Variants in ANKS1A observed in about 807,000 individuals in gnomAD.
ANKS1A encodes ankyrin repeat and sterile alpha motif domain containing 1A.
A neutral mutation model predicts 120.3 loss-of-function variants in ANKS1A; 55 were observed. The ratio of observed to expected loss-of-function variants is 0.46; its 90% CI spans 0.37 to 0.57. The LOEUF (loss-of-function observed/expected upper bound fraction) is 0.57, where lower values mean the gene tolerates loss of function less well. Among genes scored for constraint, ANKS1A ranks in the 20% least tolerant of loss-of-function variants. The pLI is 0.00. For missense variants in ANKS1A, 1,123 were observed against 1,480.3 expected, an observed-to-expected ratio of 0.76 and a Z score of 3.96; for synonymous variants, 590 against 604.7, an observed-to-expected ratio of 0.98 and a Z score of 0.36.
intron 17 of ANKS1A, among the ~76,000 whole-genome samples, chr6:35,081,453 C>T (rs909163913): frequency 6.6e-6 from 1 of 152,204 alleles, no homozygotes; most frequent in African/African-American, 2.4e-5. Flanking sequence ...CGCTCTTTCT[C>T]TGTGGCCTCT....
chr6:35,009,176 C>G (rs964478689), intron 10 of ANKS1A, among the ~76,000 whole-genome samples: 1 of 152,002 alleles, frequency 6.6e-6, no homozygotes, highest in African/African-American at 2.4e-5. Context: ...AGACTGGAGG[C>G]GGGAATGCCC....
intron 16 of ANKS1A, among the ~76,000 whole-genome samples, chr6:35,080,788 G>A (rs1487615390): frequency 1.3e-5 from 2 of 152,134 alleles, no homozygotes; most frequent in African/African-American, 4.8e-5. Context: ...TGCAAAAGTG[G>A]CTTCCCCGCC....
rs34450807 is a variant in ANKS1A, at chr6:34,895,195, G to GTT, written c.197+5610_197+5611dup. Among the ~76,000 whole-genome samples, 579 of 137,956 alleles carry GTT rather than the reference G, an allele frequency of 4.2e-3. 1 individual carries two copies. Among genetic ancestry groups the GTT allele is most frequent in the Non-Finnish European group, 4.1e-3 (270 of 65,176 alleles). 90.5% of individuals were successfully genotyped at this position (137,956 alleles called of 152,430 possible). ...TCCTAATATTTATTTAAGGACTTTGGTTTTTTTTTTTTTTTAATTAAAAAA... is the reference window on the plus strand; with the variant it reads ...TCCTAATATTTATTTAAGGACTTTGGTTTTTTTTTTTTTTTTTAATTAAAAAA... On this transcript the variant is annotated intron_variant, in intron 1 of 23. Transcript: ENST00000360359.
Position 35,060,340 on chromosome 6 carries a change from T to C in ANKS1A, c.2184+87T>C. On this transcript the variant is annotated intron_variant, in intron 13 of 23. Coordinates refer to ENST00000360359, the MANE Select transcript of ANKS1A (RefSeq NM_015245.3). This position sits in a 1 kb window ranked among gnomAD's most constrained non-coding sequence, Gnocchi z 4.5. ...CCTCCCCTCTGGCCCCACAGGAGTC[T>C]GCAACAGTACGTAGACCCAAATCCC... 8.3e-7 allele frequency: 1 copy of C among 1,202,828 alleles called. No individual in the cohort carries two copies. Among genetic ancestry groups the C allele is most frequent in the Non-Finnish European group, 1.2e-6 (1 of 835,794 alleles). 74.5% of individuals were successfully genotyped at this position (1,202,828 alleles called of 1,614,324 possible).
intron 13 of ANKS1A, among the ~76,000 whole-genome samples, chr6:35,072,840 G>A (rs1018149775): frequency 2.0e-5 from 3 of 152,176 alleles, no homozygotes; most frequent in Admixed American, 6.5e-5. Context: ...AGCCCAGGAC[G>A]GGTGTCCTGC....
chr6:35,060,874 C>G lies in ANKS1A; in HGVS notation c.2184+621C>G, dbSNP rs1776460984. 6.6e-6 allele frequency among the ~76,000 whole-genome samples: 1 copy of G among 152,208 alleles called. No homozygotes were observed. Among genetic ancestry groups the G allele is most frequent in the South Asian group, 2.1e-4 (1 of 4,832 alleles). ...GCAGAATAGGGACCCATTTAGGACC[C>G]TGGGCTCAGGATCTGGTGCACACTC... On this transcript the variant is annotated intron_variant, in intron 13 of 23. Transcript: ENST00000360359. The surrounding 1 kb of genome is among the most constrained non-coding windows in gnomAD (Gnocchi z 4.5).
Position 35,057,904 on chromosome 6 carries a change from G to T in ANKS1A, c.2078-2243G>T, listed in dbSNP as rs776695258. On this transcript the variant is annotated intron_variant, in intron 12 of 23. Transcript: ENST00000360359. The surrounding 1 kb of genome is among the most constrained non-coding windows in gnomAD (Gnocchi z 4.1). Reference sequence around the variant, plus strand: ...TCTCCTGGCTGTCCTGGAAACTGTCGAACAAAGCTCTAGGAGCAGTCCCTC... The same window carrying T: ...TCTCCTGGCTGTCCTGGAAACTGTCTAACAAAGCTCTAGGAGCAGTCCCTC... Among the ~76,000 whole-genome samples the T allele has an allele frequency of 1.3e-5, 2 of 152,194 alleles. No individual in the cohort carries two copies. The highest frequency in any genetic ancestry group is 4.8e-5 in the African/African-American group (2 of 41,434).
intron 1 of ANKS1A, among the ~76,000 whole-genome samples, chr6:34,899,558 G>A (rs1017889891): frequency 5.3e-5 from 8 of 152,056 alleles, no homozygotes; most frequent in Non-Finnish European, 1.2e-4. Flanking sequence ...TTGCTATGTT[G>A]CCCAGTCTGG....
At chr6:34,925,744 T>C (rs999944445) in intron 1 of ANKS1A, among the ~76,000 whole-genome samples, 4 of 152,172 alleles carry the variant, frequency 2.6e-5, no homozygotes, top group African/African-American at 4.8e-5. Context: ...TTTGGAGAAG[T>C]GATTCTCAGC....
chr6:35,073,647 A>G (rs950836775), intron 13 of ANKS1A, among the ~76,000 whole-genome samples: 3 of 152,250 alleles, frequency 2.0e-5, no homozygotes, highest in African/African-American at 7.2e-5. Context: ...CTGTTAACTA[A>G]AATCCCTAGG....
intron 1 of ANKS1A, among the ~76,000 whole-genome samples, chr6:34,951,284 A>G (rs1417720481): frequency 6.6e-6 from 1 of 151,832 alleles, no homozygotes; most frequent in Non-Finnish European, 1.5e-5. Context: ...AAATTATATT[A>G]TAAATTATAT....
intron 1 of ANKS1A, among the ~76,000 whole-genome samples, chr6:34,913,554 G>A (rs1038920808): frequency 2.6e-5 from 4 of 152,110 alleles, no homozygotes; most frequent in South Asian, 2.1e-4. Flanking sequence ...TGATTCTCCC[G>A]CCTTGGCCTC....
chr6:34,990,322 T>G (rs866382226), intron 9 of ANKS1A, among the ~76,000 whole-genome samples: 3 of 152,334 alleles, frequency 2.0e-5, no homozygotes, highest in East Asian at 1.9e-4. Context: ...TCCTTAATTC[T>G]TTCCTTTAGT....
At chr6:34,932,498 C>T (rs1428568443) in intron 1 of ANKS1A, among the ~76,000 whole-genome samples, 1 of 152,162 alleles carries the variant, frequency 6.6e-6, no homozygotes, top group Non-Finnish European at 1.5e-5. Context: ...GATTCTCCTG[C>T]CTCAGCCTCC....
chr6:34,901,218 GTT>G (rs74555280), intron 1 of ANKS1A, among the ~76,000 whole-genome samples: 5 of 140,274 alleles, frequency 3.6e-5, no homozygotes, highest in African/African-American at 1.3e-4. Context: ...TTCCAACTCT[GTT>G]TTTTTTTTTT....
chr6:34,941,877 A>G (rs918850862), intron 1 of ANKS1A, among the ~76,000 whole-genome samples: 3 of 152,228 alleles, frequency 2.0e-5, no homozygotes, highest in Admixed American at 1.3e-4. Flanking sequence ...CTGACAATGT[A>G]CGATGTACTG....
intron 1 of ANKS1A, among the ~76,000 whole-genome samples, chr6:34,890,396 T>C (rs1766752859): frequency 6.6e-6 from 1 of 152,220 alleles, no homozygotes; most frequent in Non-Finnish European, 1.5e-5. Context: ...GGCCCCTCGC[T>C]TTTGTTTTAT....
chr6:35,039,192 C>CTTTTTTTTTTTTTTT (rs35565672), intron 11 of ANKS1A, among the ~76,000 whole-genome samples: 2 of 83,788 alleles, frequency 2.4e-5, no homozygotes, highest in African/African-American at 4.8e-5. Context: ...CTCCCTCATA[C>CTTTTTTTTTTTTTTT]TTTTTTTTTT....
intron 1 of ANKS1A, among the ~76,000 whole-genome samples, chr6:34,940,287 C>G (rs796670326): frequency 1.3e-5 from 2 of 152,210 alleles, no homozygotes; most frequent in African/African-American, 4.8e-5. Context: ...TTCACTGACC[C>G]GAAGATGGAA....
Sources: gnomAD v4.1 joint callset for allele counts (sites outside exome capture counted in the v4.1 genomes callset) on GRCh38, gnomAD v4.1.1 for gene constraint, Gnocchi (gnomAD v3.1) non-coding constraint, MANE v1.5 for transcripts, NCBI Gene and HGNC (gene_info 2026-07-23, HGNC 2026-07-21) for gene names.